Variants in GPC6 observed in about 807,000 individuals in gnomAD.
GPC6 encodes glypican 6, also known as glypican-6.
In GPC6, 14 loss-of-function variants were observed where a neutral mutation model predicts 55.2. The observed-to-expected ratio is 0.25, with a 90% CI of 0.17 to 0.40. The LOEUF is 0.40. Among genes scored for constraint, GPC6 ranks in the 10% least tolerant of loss-of-function variants. The pLI, the probability that GPC6 is intolerant of heterozygous loss-of-function variation, is 1.00. For synonymous variants in GPC6, 278 were observed against 259.6 expected, an observed-to-expected ratio of 1.07 and a Z score of -0.68; for missense variants, 641 against 708.5, an observed-to-expected ratio of 0.90 and a Z score of 1.08.
At chr13:93,622,729 A>G (rs1879011098) in intron 2 of GPC6, among the ~76,000 whole-genome samples, 1 of 152,208 alleles carries the variant, frequency 6.6e-6, no homozygotes, top group South Asian at 2.1e-4. Flanking sequence ...TTACATTATT[A>G]CCTCAAAGAT....
At chr13:93,661,638 AT>A (rs1880926279) in intron 2 of GPC6, among the ~76,000 whole-genome samples, 1 of 152,086 alleles carries the variant, frequency 6.6e-6, no homozygotes, top group Non-Finnish European at 1.5e-5. Flanking sequence ...TGATAGGGTA[AT>A]TTTTCTCAAC....
chr13:94,302,600 G>GT (rs112755282), intron 5 of GPC6, among the ~76,000 whole-genome samples: 3,303 of 152,246 alleles, frequency 0.022, 50 homozygotes, highest in African/African-American at 0.035. Context: ...TAATACAAAA[G>GT]TTTTTTTATC....
chr13:94,226,641 C>A (rs1430579557), intron 4 of GPC6, among the ~76,000 whole-genome samples: 2 of 152,180 alleles, frequency 1.3e-5, no homozygotes, highest in Admixed American at 6.6e-5. Context: ...ACACATACAT[C>A]ACAGTGGCCT....
intron 2 of GPC6, among the ~76,000 whole-genome samples, chr13:93,697,205 T>G (rs1225687361): frequency 1.3e-5 from 2 of 152,118 alleles, no homozygotes; most frequent in Non-Finnish European, 2.9e-5. Context: ...ACCCATTGCC[T>G]TTTCTCTGGA....
At chr13:94,275,410 A>C (rs757587192) in intron 4 of GPC6, among the ~76,000 whole-genome samples, 2 of 152,148 alleles carry the variant, frequency 1.3e-5, no homozygotes, top group Non-Finnish European at 2.9e-5. Context: ...TAGAGGGAGA[A>C]TATTCCAGGA....
At chr13:93,807,176 T>C (rs1328047181) in intron 2 of GPC6, among the ~76,000 whole-genome samples, 6 of 152,214 alleles carry the variant, frequency 3.9e-5, no homozygotes, top group Non-Finnish European at 5.9e-5. Context: ...CACATTGCTC[T>C]TCTCCCGTTT....
At chr13:93,798,766 A>C (rs546247567) in intron 2 of GPC6, among the ~76,000 whole-genome samples, 57 of 152,084 alleles carry the variant, frequency 3.7e-4, no homozygotes, top group Admixed American at 1.6e-3. Flanking sequence ...TAAAAATACA[A>C]AAATTAGCAG....
At chr13:94,245,347 T>C (rs969040151) in intron 4 of GPC6, among the ~76,000 whole-genome samples, 1 of 151,472 alleles carries the variant, frequency 6.6e-6, no homozygotes, top group South Asian at 2.1e-4. Context: ...TTTCATGAGG[T>C]GAGGAGTTTG....
intron 2 of GPC6, among the ~76,000 whole-genome samples, chr13:93,653,243 CT>C (rs1421104584): frequency 6.6e-5 from 10 of 152,186 alleles, no homozygotes. Flanking sequence ...GCAAGTTTCT[CT>C]CTTGTATGTC....
chr13:94,274,214 G>A (rs1056056053), intron 4 of GPC6, among the ~76,000 whole-genome samples: 4 of 152,152 alleles, frequency 2.6e-5, no homozygotes, highest in Non-Finnish European at 5.9e-5. Context: ...GCCACAATTT[G>A]CATTTTCTTC....
intron 3 of GPC6, among the ~76,000 whole-genome samples, chr13:93,922,582 C>A (rs978654650): frequency 6.6e-6 from 1 of 152,160 alleles, no homozygotes; most frequent in Non-Finnish European, 1.5e-5. Context: ...CCAGTAACAT[C>A]CTTATTCCTC....
At chr13:94,368,273 G>A (rs781247537) in intron 6 of GPC6, among the ~76,000 whole-genome samples, 44 of 152,084 alleles carry the variant, frequency 2.9e-4, no homozygotes, top group Admixed American at 2.5e-3. Context: ...GTGGTTTTAG[G>A]TTGAATAGTG....
At position 93,526,578 on chromosome 13, in the gene GPC6, A is replaced by G. The variant is rs182744536; in HGVS notation, c.161-18685A>G. 2.6e-3 allele frequency among the ~76,000 whole-genome samples: 390 copies of G among 152,200 alleles called. 1 individual carries two copies. The highest frequency in any genetic ancestry group is 9.1e-3 in the African/African-American group (377 of 41,572). On this transcript the variant is annotated intron_variant, in intron 1 of 8. Coordinates refer to ENST00000377047, the MANE Select transcript of GPC6 (RefSeq NM_005708.5). Reference sequence around the variant, plus strand: ...TTCCCCGAGTACAGTAACATTTAATATAGGAGGCTAAACCACAGAGTATGT... The same window carrying G: ...TTCCCCGAGTACAGTAACATTTAATGTAGGAGGCTAAACCACAGAGTATGT...
intron 4 of GPC6, among the ~76,000 whole-genome samples, chr13:94,233,964 A>G (rs1890803501): frequency 6.6e-6 from 1 of 152,170 alleles, no homozygotes; most frequent in African/African-American, 2.4e-5. Context: ...CTGTAACAGT[A>G]CGTCTTCTAG....
chr13:93,341,744 T>A (rs1880263010), intron 1 of GPC6, among the ~76,000 whole-genome samples: 1 of 151,792 alleles, frequency 6.6e-6, no homozygotes, highest in Admixed American at 6.6e-5. Flanking sequence ...TTAGTTTAAT[T>A]AGGTCCCATT....
intron 3 of GPC6, among the ~76,000 whole-genome samples, chr13:93,988,392 T>C (rs945947862): frequency 1.3e-5 from 2 of 152,152 alleles, no homozygotes; most frequent in African/African-American, 4.8e-5. Flanking sequence ...TTCTGCAGTG[T>C]ACCTTTCGGA....
chr13:93,891,513 G>A (rs763033776), intron 3 of GPC6, among the ~76,000 whole-genome samples: 5 of 152,044 alleles, frequency 3.3e-5, no homozygotes, highest in Non-Finnish European at 7.4e-5. Context: ...ACACAGCTCT[G>A]GTCACCAGCT....
chr13:93,541,848 T>C (rs1289358719), intron 1 of GPC6, among the ~76,000 whole-genome samples: 2 of 151,624 alleles, frequency 1.3e-5, no homozygotes, highest in African/African-American at 4.8e-5. Context: ...TCTGTTCATG[T>C]CCTTTGCCCA....
chr13:93,614,105 G>A (rs932755056), intron 2 of GPC6, among the ~76,000 whole-genome samples: 1 of 152,074 alleles, frequency 6.6e-6, no homozygotes, highest in African/African-American at 2.4e-5. Context: ...CCTCAAATAT[G>A]TTTTGATTAG....
Sources: allele counts gnomAD v4.1 joint callset (sites outside exome capture counted in the v4.1 genomes callset), GRCh38; gene constraint gnomAD v4.1.1; transcripts MANE v1.5; gene names NCBI Gene and HGNC (gene_info 2026-07-23, HGNC 2026-07-21).